Variants in THSD7B observed in about 807,000 individuals in gnomAD.
THSD7B encodes the protein thrombospondin type 1 domain containing 7B, also known as thrombospondin type-1 domain-containing protein 7B.
In THSD7B, 138 loss-of-function variants were observed where a neutral mutation model predicts 213.6. That is an observed-to-expected ratio of 0.65 (90% confidence interval 0.56 to 0.74). The LOEUF (loss-of-function observed/expected upper bound fraction) is 0.74. THSD7B is among the 30% of genes least tolerant of loss of function. The probability of loss-of-function intolerance (pLI) is 0.00; values close to 1 mark genes in which losing one functional copy is unlikely to be tolerated. For missense variants in THSD7B, 1,931 were observed against 1,991.5 expected, an observed-to-expected ratio of 0.97 and a Z score of 0.58; for synonymous variants, 742 against 687.0, an observed-to-expected ratio of 1.08 and a Z score of -1.25.
chr2:137,284,156 A>G (rs1269453249), intron 12 of THSD7B, among the ~76,000 whole-genome samples: 1 of 151,990 alleles, frequency 6.6e-6, no homozygotes, highest in Non-Finnish European at 1.5e-5. Flanking sequence ...GAATTTATCC[A>G]TTTCTTCTAG....
Position 136,768,744 on chromosome 2 carries a change from T to C in THSD7B, c.-36+3057T>C, listed in dbSNP as rs772816343. On this transcript the variant is annotated intron_variant, in intron 1 of 27. Transcript: ENST00000409968. Reference sequence around the variant, plus strand: ...AAAAACTACATGAGTTACTTAGATATGCTGTTGGATTTTTGAATATGGATT... The same window carrying C: ...AAAAACTACATGAGTTACTTAGATACGCTGTTGGATTTTTGAATATGGATT... Among the ~76,000 whole-genome samples the C allele has an allele frequency of 6.8e-4, 104 of 152,322 alleles. 1 individual carries two copies. Among genetic ancestry groups the C allele is most frequent in the Non-Finnish European group, 1.5e-4 (10 of 68,012 alleles).
At chr2:137,600,680 G>A (rs1573736085) in intron 17 of THSD7B, among the ~76,000 whole-genome samples, 1 of 152,216 alleles carries the variant, frequency 6.6e-6, no homozygotes, top group Non-Finnish European at 1.5e-5. Context: ...AGAGGTTGCA[G>A]TGAGCTGAGA....
chr2:137,617,300 G>A (rs1003837516), intron 18 of THSD7B, among the ~76,000 whole-genome samples: 2 of 152,266 alleles, frequency 1.3e-5, no homozygotes, highest in Middle Eastern at 3.4e-3. Flanking sequence ...TAAACTATTA[G>A]ATCATCTACC....
At chr2:137,365,488 C>T (rs1183893897) in intron 12 of THSD7B, among the ~76,000 whole-genome samples, 1 of 152,122 alleles carries the variant, frequency 6.6e-6, no homozygotes, top group African/African-American at 2.4e-5. Flanking sequence ...TCACAATCTA[C>T]CCATCTGACA....
intron 2 of THSD7B, among the ~76,000 whole-genome samples, chr2:137,024,085 C>T (rs1278067994): frequency 6.6e-6 from 1 of 152,084 alleles, no homozygotes; most frequent in African/African-American, 2.4e-5. Context: ...TGAAAAGTCC[C>T]TCCTTGGGTC....
intron 3 of THSD7B, among the ~76,000 whole-genome samples, chr2:137,082,462 T>C: frequency 6.6e-6 from 1 of 152,136 alleles, no homozygotes; most frequent in Non-Finnish European, 1.5e-5. Context: ...GAAGTCAAGA[T>C]AGGTTTTTCT....
chr2:137,076,160 G>T (rs1238669209), intron 3 of THSD7B, among the ~76,000 whole-genome samples: 1 of 152,202 alleles, frequency 6.6e-6, no homozygotes, highest in Non-Finnish European at 1.5e-5. Context: ...CTGTCTTTTT[G>T]TTTGTCTGTG....
chr2:137,668,091 C>T (rs1683486126), intron 27 of THSD7B, among the ~76,000 whole-genome samples: 1 of 152,080 alleles, frequency 6.6e-6, no homozygotes, highest in Non-Finnish European at 1.5e-5. Context: ...CTGGTCAGAA[C>T]TTTTCCATTT....
At chr2:137,543,374 A>C (rs528554197) in intron 15 of THSD7B, among the ~76,000 whole-genome samples, 1 of 151,848 alleles carries the variant, frequency 6.6e-6, no homozygotes, top group Non-Finnish European at 1.5e-5. Flanking sequence ...AAGGCAATGC[A>C]ATGAAGAAAA....
intron 10 of THSD7B, among the ~76,000 whole-genome samples, chr2:137,258,840 C>A (rs1417423138): frequency 1.3e-5 from 2 of 151,910 alleles, no homozygotes; most frequent in Non-Finnish European, 2.9e-5. Context: ...CCATGTCCCC[C>A]CCAACCCCTG....
chr2:137,330,424 T>C (rs1355135182), intron 12 of THSD7B, among the ~76,000 whole-genome samples: 1 of 152,214 alleles, frequency 6.6e-6, no homozygotes. Context: ...TTGGTCTCAC[T>C]GACTTCAAGA....
chr2:137,603,122 C>T (rs1682106435), intron 17 of THSD7B, among the ~76,000 whole-genome samples: 1 of 152,208 alleles, frequency 6.6e-6, no homozygotes, highest in Non-Finnish European at 1.5e-5. Flanking sequence ...TCTCATAGCA[C>T]AGTCCAGCAT....
intron 14 of THSD7B, among the ~76,000 whole-genome samples, chr2:137,447,632 C>T (rs1687568700): frequency 6.6e-6 from 1 of 151,774 alleles, no homozygotes; most frequent in Admixed American, 6.6e-5. Context: ...TTACGAGTGT[C>T]TATTGGAGCA....
intron 1 of THSD7B, among the ~76,000 whole-genome samples, chr2:136,798,633 C>G (rs544803556): frequency 1.3e-5 from 2 of 152,042 alleles, no homozygotes; most frequent in Non-Finnish European, 2.9e-5. Flanking sequence ...GACCACTGAC[C>G]TGATATCAAC....
intron 2 of THSD7B, among the ~76,000 whole-genome samples, chr2:136,896,673 T>C (rs2105007332): frequency 6.6e-6 from 1 of 152,216 alleles, no homozygotes; most frequent in East Asian, 1.9e-4. Context: ...TTTTTATAGT[T>C]TTAACTCTTA....
intron 21 of THSD7B, among the ~76,000 whole-genome samples, chr2:137,650,035 G>A (rs894279091): frequency 1.3e-5 from 2 of 152,190 alleles, no homozygotes; most frequent in African/African-American, 2.4e-5. Flanking sequence ...CGGAGAGGTC[G>A]AGGCTGTAAT....
chr2:136,835,560 C>G (rs532228697), intron 1 of THSD7B, among the ~76,000 whole-genome samples: 1 of 152,214 alleles, frequency 6.6e-6, no homozygotes, highest in East Asian at 1.9e-4. Flanking sequence ...GACTCTTCAG[C>G]AAGCTGACTT....
At position 137,453,378 on chromosome 2, in the gene THSD7B, G is replaced by A. The variant is rs370316808; in HGVS notation, c.3138+2355G>A. 5.9e-5 allele frequency among the ~76,000 whole-genome samples: 7 copies of A among 118,942 alleles called. No individual in the cohort carries two copies. The East Asian group carries it at 1.1e-3, about 19-fold the overall frequency. The allele number at this position is 118,942 out of a possible 152,430, so 78.0% of individuals were successfully genotyped here. ...AGAGTCTCACTCTGTCTCCCAGGCC[G>A]GAGTGCAGTGGCATGATCTCGGCTC... On this transcript the variant is annotated intron_variant, in intron 15 of 27. Coordinates refer to ENST00000409968, the MANE Select transcript of THSD7B (RefSeq NM_001316349.2).
chr2:137,185,069 T>C (rs1680525606), intron 7 of THSD7B, among the ~76,000 whole-genome samples: 1 of 152,162 alleles, frequency 6.6e-6, no homozygotes, highest in Non-Finnish European at 1.5e-5. Flanking sequence ...AAAAATGGCA[T>C]GCCTGATCAA....
Sources: allele counts gnomAD v4.1 joint callset (sites outside exome capture counted in the v4.1 genomes callset), GRCh38; gene constraint gnomAD v4.1.1; transcripts MANE v1.5; gene names NCBI Gene and HGNC (gene_info 2026-07-23, HGNC 2026-07-21).